The following LARS2 variants were observed in gnomAD, a reference collection of about 807,000 sequenced individuals.
LARS2 encodes the protein leucyl-tRNA synthetase 2, mitochondrial, also known as leucine--tRNA ligase, mitochondrial.
Under a neutral mutation model 116.6 loss-of-function variants are expected in LARS2, and 81 were observed. The observed-to-expected ratio is 0.69, with a 90% CI of 0.58 to 0.84. The LOEUF (loss-of-function observed/expected upper bound fraction) is 0.84, where lower values mean the gene tolerates loss of function less well. Among genes scored for constraint, LARS2 ranks in the 40% least tolerant of loss-of-function variants. The probability of loss-of-function intolerance (pLI) is 0.00; values close to 1 mark genes in which losing one functional copy is unlikely to be tolerated. For synonymous variants in LARS2, 396 were observed against 407.2 expected, an observed-to-expected ratio of 0.97 and a Z score of 0.33; for missense variants, 968 against 1,114.5, an observed-to-expected ratio of 0.87 and a Z score of 1.87.
At chr3:45,528,676 A>G (rs1326231462) in intron 20 of LARS2, among the ~76,000 whole-genome samples, 1 of 152,200 alleles carries the variant, frequency 6.6e-6, no homozygotes, top group South Asian at 2.1e-4. Flanking sequence ...AAATCATACA[A>G]TGTGTAGTCA....
At chr3:45,512,753 C>T (rs1010442187) in intron 15 of LARS2, among the ~76,000 whole-genome samples, 18 of 152,154 alleles carry the variant, frequency 1.2e-4, no homozygotes, top group African/African-American at 2.7e-4. Flanking sequence ...ATATACCAAA[C>T]TATTAATAAG....
intron 11 of LARS2, among the ~76,000 whole-genome samples, chr3:45,488,402 T>C (rs1223587288): frequency 6.6e-6 from 1 of 152,158 alleles, no homozygotes; most frequent in Non-Finnish European, 1.5e-5. Flanking sequence ...CACTGCACTC[T>C]AACCTGGGCA....
At chr3:45,496,472 G>C in intron 14 of LARS2, 99 bp downstream of exon 14, 2 of 905,742 alleles carry the variant, frequency 2.2e-6, no homozygotes, top group African/African-American at 3.3e-5. Context: ...ATTTCTTGGG[G>C]GGAAATGCCT....
chr3:45,507,447 C>T (rs960630892), intron 15 of LARS2, among the ~76,000 whole-genome samples: 2 of 152,068 alleles, frequency 1.3e-5, no homozygotes, highest in Non-Finnish European at 2.9e-5. Context: ...TGCTAAAAAT[C>T]TATCCTAAGG....
rs558639919 is a variant in LARS2, at chr3:45,492,966, C to T, written c.1523+1166C>T. 2.6e-5 allele frequency among the ~76,000 whole-genome samples: 4 copies of T among 152,254 alleles called. No individual in the cohort carries two copies. In the South Asian group the frequency reaches 8.3e-4, roughly 32 times the overall value. ...GTTGATAAGCGCTGACAAAGGGCTTCCCTACCAGAGATGTTGGTGGCCTGC... is the reference window on the plus strand; with the variant it reads ...GTTGATAAGCGCTGACAAAGGGCTTTCCTACCAGAGATGTTGGTGGCCTGC... On this transcript the variant is annotated intron_variant, in intron 13 of 21. Transcript: ENST00000645846.
intron 3 of LARS2, among the ~76,000 whole-genome samples, chr3:45,398,572 C>T (rs1698089060): frequency 6.6e-6 from 1 of 152,184 alleles, no homozygotes; most frequent in South Asian, 2.1e-4. Context: ...AGTGACGAAA[C>T]AGAATCAGTT....
intron 3 of LARS2, among the ~76,000 whole-genome samples, chr3:45,394,966 T>C (rs571128774): frequency 1.4e-4 from 22 of 152,214 alleles, no homozygotes; most frequent in Admixed American, 7.2e-4. Context: ...CACATAGTAA[T>C]ATTGCGCACG....
chr3:45,408,309 A>G (rs1027432522), intron 4 of LARS2, among the ~76,000 whole-genome samples: 4 of 152,110 alleles, frequency 2.6e-5, no homozygotes, highest in African/African-American at 9.7e-5. Context: ...ACCGGGCCTC[A>G]CCCCCTGGCC....
chr3:45,454,225 C>T (rs921666389), intron 7 of LARS2, among the ~76,000 whole-genome samples: 4 of 152,182 alleles, frequency 2.6e-5, no homozygotes, highest in Non-Finnish European at 4.4e-5. Context: ...TCACCTACAC[C>T]TCCAAGAGCC....
chr3:45,426,350 T>C (rs532674407), intron 6 of LARS2, among the ~76,000 whole-genome samples: 12 of 152,358 alleles, frequency 7.9e-5, no homozygotes, highest in African/African-American at 2.4e-4. Flanking sequence ...CTTGACAACA[T>C]GTCACAGGCA....
At chr3:45,512,149 A>G (rs1424374372) in intron 15 of LARS2, among the ~76,000 whole-genome samples, 1 of 152,120 alleles carries the variant, frequency 6.6e-6, no homozygotes, top group Non-Finnish European at 1.5e-5. Flanking sequence ...TTTTGCCCTA[A>G]AAACACCTTT....
At chr3:45,517,596 C>T (rs564170555) in intron 17 of LARS2, among the ~76,000 whole-genome samples, 6 of 152,290 alleles carry the variant, frequency 3.9e-5, no homozygotes, top group Non-Finnish European at 7.4e-5. Flanking sequence ...TTAATCAAGG[C>T]GGCGGGGCAC....
Position 45,446,936 on chromosome 3 carries a change from C to T in LARS2, c.562C>T (p.Leu188Phe), listed in dbSNP as rs1410134143. Residue 188 changes from leucine to phenylalanine, a missense_variant, in exon 7 of 22, where the codon CTC becomes TTC. Coordinates refer to ENST00000645846, the MANE Select transcript of LARS2 (RefSeq NM_015340.4). ...AGATTACTACAAGTGGACTCAGTAT[C>T]TCTTTATTAAACTGTATGAGGCTGG... Reference protein sequence around the residue: ...LPDYYKWTQYLFIKLYEAGLA... With the variant: ...LPDYYKWTQYFFIKLYEAGLA... The T allele has an allele frequency of 6.2e-7, 1 of 1,611,330 alleles. No individual in the cohort carries two copies. Among genetic ancestry groups the T allele is most frequent in the Non-Finnish European group, 8.5e-7 (1 of 1,178,182 alleles).
chr3:45,478,233 A>C (rs1386594507), intron 10 of LARS2, among the ~76,000 whole-genome samples: 1 of 152,232 alleles, frequency 6.6e-6, no homozygotes, highest in Non-Finnish European at 1.5e-5. Context: ...TCAACTGTTT[A>C]GTTTAAAGGG....
chr3:45,445,443 G>C (rs1165046721), intron 6 of LARS2, among the ~76,000 whole-genome samples: 6 of 152,210 alleles, frequency 3.9e-5, no homozygotes, highest in African/African-American at 1.4e-4. Context: ...TTGGCAGAGT[G>C]CTGGTTAGGT....
At chr3:45,447,179 A>T (rs1000324023) in intron 7 of LARS2, among the ~76,000 whole-genome samples, 199 bp downstream of exon 7, 13 of 152,220 alleles carry the variant, frequency 8.5e-5, no homozygotes, top group African/African-American at 2.9e-4. Context: ...TTACCCCATA[A>T]CCTATTGTCT....
At chr3:45,397,984 C>T (rs1698079358) in intron 3 of LARS2, among the ~76,000 whole-genome samples, 1 of 152,216 alleles carries the variant, frequency 6.6e-6, no homozygotes, top group Non-Finnish European at 1.5e-5. Context: ...TATAAATCTG[C>T]AGTTTCTAAT....
At chr3:45,511,679 A>C (rs1265216525) in intron 15 of LARS2, among the ~76,000 whole-genome samples, 1 of 151,962 alleles carries the variant, frequency 6.6e-6, no homozygotes, top group Non-Finnish European at 1.5e-5. Context: ...CCGTTCTCGG[A>C]AGGTGGCAGT....
At chr3:45,500,663 A>G (rs747372327) in intron 15 of LARS2, 84 bp downstream of exon 15, 4 of 1,014,896 alleles carry the variant, frequency 3.9e-6, no homozygotes, top group Non-Finnish European at 5.7e-6. Flanking sequence ...GAAGCAAGGT[A>G]AATGCATGTA....
Sources: allele counts gnomAD v4.1 joint callset (sites outside exome capture counted in the v4.1 genomes callset), GRCh38; gene constraint gnomAD v4.1.1; transcripts MANE v1.5; gene names NCBI Gene and HGNC (gene_info 2026-07-23, HGNC 2026-07-21).